The following CTNND2 variants were observed in gnomAD, a reference collection of about 807,000 sequenced individuals.
CTNND2 encodes the protein catenin delta-2.
CTNND2 carries 22 observed loss-of-function variants against 144.4 expected under a neutral mutation model. That is an observed-to-expected ratio of 0.15 (90% CI 0.11 to 0.22). CTNND2 has a LOEUF of 0.22. Ranked by LOEUF, CTNND2 falls within the 10% of genes least tolerant of loss-of-function variation. The pLI is 1.00. For missense variants in CTNND2, 1,353 were observed against 1,618.8 expected, an observed-to-expected ratio of 0.84 and a Z score of 2.82; for synonymous variants, 751 against 695.6, an observed-to-expected ratio of 1.08 and a Z score of -1.25.
intron 11 of CTNND2, among the ~76,000 whole-genome samples, chr5:11,187,312 C>A (rs1465455323): frequency 6.6e-6 from 1 of 152,068 alleles, no homozygotes; most frequent in African/African-American, 2.4e-5. Context: ...CATCTACAAC[C>A]ATCTGATCTT....
chr5:11,123,925 C>G (rs937325486), intron 12 of CTNND2, among the ~76,000 whole-genome samples: 5 of 152,198 alleles, frequency 3.3e-5, no homozygotes, highest in Non-Finnish European at 7.3e-5. Context: ...CCATGGCCCC[C>G]ACACACACCA....
At chr5:11,589,490 A>T (rs1238539047) in intron 2 of CTNND2, among the ~76,000 whole-genome samples, 5 of 152,160 alleles carry the variant, frequency 3.3e-5, no homozygotes, top group African/African-American at 1.2e-4. Context: ...AAGTTTATTC[A>T]AATTATTTGG....
intron 1 of CTNND2, among the ~76,000 whole-genome samples, chr5:11,882,456 T>C (rs1349445529): frequency 6.6e-6 from 1 of 152,008 alleles, no homozygotes; most frequent in Non-Finnish European, 1.5e-5. Flanking sequence ...GGATAATAAA[T>C]AATAAGGGTC....
intron 9 of CTNND2, among the ~76,000 whole-genome samples, chr5:11,308,606 G>A (rs537022907): frequency 2.4e-4 from 37 of 152,330 alleles, no homozygotes; most frequent in African/African-American, 8.2e-4. Flanking sequence ...CACAAAACTT[G>A]AAGTCTATTA....
At chr5:11,251,892 G>A (rs1030494369) in intron 9 of CTNND2, among the ~76,000 whole-genome samples, 9 of 152,026 alleles carry the variant, frequency 5.9e-5, no homozygotes, top group African/African-American at 9.7e-5. Flanking sequence ...GAAATGTATC[G>A]TTTTATGACT....
At chr5:11,902,753 C>A (rs1239444952) in intron 1 of CTNND2, among the ~76,000 whole-genome samples, 1 of 152,066 alleles carries the variant, frequency 6.6e-6, no homozygotes, top group East Asian at 1.9e-4. Context: ...TAAGGCGAAT[C>A]AGATCAGCTC....
At chr5:11,243,404 T>C (rs539204283) in intron 9 of CTNND2, among the ~76,000 whole-genome samples, 35 of 152,290 alleles carry the variant, frequency 2.3e-4, no homozygotes, top group Non-Finnish European at 3.8e-4. Flanking sequence ...GGAGTATTAT[T>C]GGGATGATTA....
intron 1 of CTNND2, among the ~76,000 whole-genome samples, chr5:11,806,945 T>C (rs1792037810): frequency 6.6e-6 from 1 of 152,116 alleles, no homozygotes; most frequent in South Asian, 2.1e-4. Context: ...GGATGGATCA[T>C]AGGTGATTCT....
chr5:11,264,654 G>T (rs530835818), intron 9 of CTNND2, among the ~76,000 whole-genome samples: 1 of 152,326 alleles, frequency 6.6e-6, no homozygotes, highest in Admixed American at 6.5e-5. Flanking sequence ...CATTGGCTGG[G>T]TGTGGTGGCT....
At chr5:11,890,092 A>G (rs1447089620) in intron 1 of CTNND2, among the ~76,000 whole-genome samples, 1 of 152,180 alleles carries the variant, frequency 6.6e-6, no homozygotes, top group African/African-American at 2.4e-5. Flanking sequence ...TCTCATTATA[A>G]TATCTTGAAA....
At chr5:11,076,785 C>G (rs968623133) in intron 16 of CTNND2, among the ~76,000 whole-genome samples, 1 of 152,130 alleles carries the variant, frequency 6.6e-6, no homozygotes, top group African/African-American at 2.4e-5. Flanking sequence ...AGAGTTTCCC[C>G]GATAATGGAG....
intron 3 of CTNND2, among the ~76,000 whole-genome samples, chr5:11,494,135 T>G (rs1769714936): frequency 6.6e-6 from 1 of 152,174 alleles, no homozygotes; most frequent in Admixed American, 6.5e-5. Flanking sequence ...TCCTTAAGAA[T>G]ATAGTAGTTG....
At chr5:11,273,486 C>T (rs116625298) in intron 9 of CTNND2, among the ~76,000 whole-genome samples, 1 of 152,156 alleles carries the variant, frequency 6.6e-6, no homozygotes, top group South Asian at 2.1e-4. Flanking sequence ...AACTCAGATG[C>T]CTTCATTAAA....
intron 5 of CTNND2, among the ~76,000 whole-genome samples, chr5:11,398,479 T>C (rs1284360560): frequency 2.0e-5 from 3 of 152,242 alleles, no homozygotes; most frequent in African/African-American, 7.2e-5. Context: ...CAAGATATTT[T>C]TTCATCAGTA....
intron 2 of CTNND2, among the ~76,000 whole-genome samples, chr5:11,581,282 T>C (rs926790368): frequency 2.6e-5 from 4 of 151,784 alleles, no homozygotes; most frequent in African/African-American, 9.7e-5. Flanking sequence ...TTTCAGCGTT[T>C]TATGTTCTTC....
intron 1 of CTNND2, among the ~76,000 whole-genome samples, chr5:11,809,576 T>C (rs1792204166): frequency 6.6e-6 from 1 of 152,174 alleles, no homozygotes; most frequent in Admixed American, 6.6e-5. Context: ...GAGGAATAAC[T>C]GAGTCAGGGC....
At chr5:11,780,368 G>C (rs1475338195) in intron 1 of CTNND2, among the ~76,000 whole-genome samples, 1 of 152,138 alleles carries the variant, frequency 6.6e-6, no homozygotes, top group African/African-American at 2.4e-5. Flanking sequence ...CTGAGAAGTA[G>C]ATGTCATCCT....
At chr5:11,338,636 T>G (rs922825131) in intron 9 of CTNND2, among the ~76,000 whole-genome samples, 1 of 152,214 alleles carries the variant, frequency 6.6e-6, no homozygotes, top group Admixed American at 6.5e-5. Context: ...CATGATATCA[T>G]GGAGGCCCCT....
intron 1 of CTNND2, among the ~76,000 whole-genome samples, chr5:11,895,701 G>A (rs1737338004): frequency 6.6e-6 from 1 of 152,018 alleles, no homozygotes; most frequent in Non-Finnish European, 1.5e-5. Context: ...TATATAAACT[G>A]TTAAGACATG....
Sources: gnomAD v4.1 joint callset for allele counts (sites outside exome capture counted in the v4.1 genomes callset) on GRCh38, gnomAD v4.1.1 for gene constraint, MANE v1.5 for transcripts, NCBI Gene and HGNC (gene_info 2026-07-23, HGNC 2026-07-21) for gene names.